ZFP69B: variants seen among roughly 807,000 people sequenced by gnomAD.
ZFP69B encodes the protein zinc finger protein 69 homolog B.
ZFP69B carries 20 observed loss-of-function variants against 19.7 expected under a neutral mutation model. The ratio of observed to expected loss-of-function variants is 1.02; its 90% CI spans 0.71 to 1.48. The LOEUF (loss-of-function observed/expected upper bound fraction) is 1.48, where lower values mean the gene tolerates loss of function less well. ZFP69B is among the 40% of genes most tolerant of loss of function. The pLI, the probability that ZFP69B is intolerant of heterozygous loss-of-function variation, is 0.00. For missense variants in ZFP69B, 583 were observed against 632.6 expected, an observed-to-expected ratio of 0.92 and a Z score of 0.84; for synonymous variants, 220 against 222.7, an observed-to-expected ratio of 0.99 and a Z score of 0.11.
chr1:40,462,301 T>C (rs539362074), intron 4 of ZFP69B, 120 bp from the exon 5 acceptor site: 4 of 903,178 alleles, frequency 4.4e-6, no homozygotes, highest in African/African-American at 1.7e-5. Flanking sequence ...AGAATCACAT[T>C]TGAGGATGAT....
At chr1:40,452,507 A>G (rs1412824384) in intron 1 of ZFP69B, among the ~76,000 whole-genome samples, 1 of 152,242 alleles carries the variant, frequency 6.6e-6, no homozygotes, top group Non-Finnish European at 1.5e-5. Context: ...CACATTGAGG[A>G]TACAGTCAGA....
In ZFP69B at chr1:40,462,965, A is replaced by G; in HGVS notation, c.981A>G (p.Arg327=). ...SQSSSLIPHQ[R]IHTGEKPYEC... ...GTTCATCTCTTATTCCGCATCAGAG[A>G]ATTCATACTGGTGAGAAACCCTATG... Residue 327 remains arginine, a synonymous_variant, in exon 5 of 5, where the codon AGA becomes AGG. Transcript: ENST00000361584. 6.2e-7 allele frequency: 1 copy of G among 1,614,148 alleles called. No individual in the cohort carries two copies. Among genetic ancestry groups the G allele is most frequent in the Non-Finnish European group, 8.5e-7 (1 of 1,180,042 alleles).
Position 40,462,562 on chromosome 1 carries a change from A to G in ZFP69B, c.578A>G (p.Asn193Ser), listed in dbSNP as rs1452882584. The G allele has an allele frequency of 1.2e-6, 2 of 1,614,044 alleles. No homozygotes were observed. The highest frequency in any genetic ancestry group is 2.7e-5 in the African/African-American group (2 of 74,938). Residue 193 changes from asparagine to serine, a missense_variant, in exon 5 of 5, where the codon AAT (asparagine) becomes AGT (serine). Coordinates refer to ENST00000361584, the MANE Select transcript of ZFP69B (RefSeq NM_023070.3). ...YSTLGRISKCNKLESQQENQR... is the reference protein window; with the variant it reads ...YSTLGRISKCSKLESQQENQR... ...ACCTTGGGAAGAATCTCCAAATGTA[A>G]TAAGCTAGAAAGCCAACAAGAGAAC...
intron 4 of ZFP69B, among the ~76,000 whole-genome samples, chr1:40,457,828 GTC>G (rs913155973): frequency 6.0e-4 from 92 of 152,156 alleles, no homozygotes; most frequent in African/African-American, 2.0e-3. Context: ...CGGTTTCACT[GTC>G]TCTCAATGAT....
rs774282142 is a variant in ZFP69B at position 40,462,578 on chromosome 1, A to G, written c.594A>G (p.Gln198=). The G allele has an allele frequency of 1.2e-6, 2 of 1,614,164 alleles. No homozygotes were observed. Among genetic ancestry groups the G allele is most frequent in the East Asian group, 4.5e-5 (2 of 44,866 alleles). Residue 198 remains glutamine (Q), a synonymous_variant, in exon 5 of 5, where the codon CAA becomes CAG. Coordinates refer to ENST00000361584, the MANE Select transcript of ZFP69B (RefSeq NM_023070.3). Reference sequence around the variant, plus strand: ...CCAAATGTAATAAGCTAGAAAGCCAACAAGAGAACCAAAGAATGGGTAAGG... The same window carrying G: ...CCAAATGTAATAAGCTAGAAAGCCAGCAAGAGAACCAAAGAATGGGTAAGG... ...RISKCNKLES[Q]QENQRMGKGQ...
chr1:40,456,556 C>T (rs1645234593), intron 2 of ZFP69B, among the ~76,000 whole-genome samples: 1 of 152,154 alleles, frequency 6.6e-6, no homozygotes, highest in Admixed American at 6.5e-5. Flanking sequence ...TTTACCCATG[C>T]TAAAGTATTC....
chr1:40,461,032 G>A (rs1238830073), intron 4 of ZFP69B, among the ~76,000 whole-genome samples: 2 of 146,614 alleles, frequency 1.4e-5, no homozygotes, highest in Non-Finnish European at 3.0e-5. Context: ...TGTAATCCTC[G>A]CTACTCAGGA....
intron 4 of ZFP69B, among the ~76,000 whole-genome samples, chr1:40,461,465 C>T (rs974155742): frequency 6.6e-6 from 1 of 151,808 alleles, no homozygotes; most frequent in Non-Finnish European, 1.5e-5. Flanking sequence ...AAAATTTTGT[C>T]AGAGAAATAT....
chr1:40,457,230 C>G, intron 3 of ZFP69B, 114 bp from the exon 4 acceptor site: 3 of 1,476,986 alleles, frequency 2.0e-6, no homozygotes, highest in Non-Finnish European at 1.9e-6. Context: ...CTGCTCTGTT[C>G]TTTCTACTCT....
intron 4 of ZFP69B, among the ~76,000 whole-genome samples, chr1:40,459,103 C>G (rs1234524117): frequency 6.6e-6 from 1 of 152,166 alleles, no homozygotes; most frequent in African/African-American, 2.4e-5. Context: ...GAAATATCAT[C>G]TATTCGTATG....
chr1:40,453,051 C>T (rs549316521), intron 1 of ZFP69B, among the ~76,000 whole-genome samples: 1 of 150,506 alleles, frequency 6.6e-6, no homozygotes, highest in East Asian at 1.9e-4. Flanking sequence ...ACCTCTGCCT[C>T]CCGGGTTCAA....
At position 40,456,968 on chromosome 1, in the gene ZFP69B, A is replaced by G; in HGVS notation, c.237A>G (p.Val79=). The G allele has an allele frequency of 6.2e-7, 1 of 1,614,160 alleles. No homozygotes were observed. Among genetic ancestry groups the G allele is most frequent in the Non-Finnish European group, 8.5e-7 (1 of 1,180,006 alleles). The change falls in exon 3 of 5, where the codon GTA becomes GTG. Residue 79 remains valine, a synonymous_variant. Transcript: ENST00000361584. ...AGGAACTGTTAACCTTCAAGGACGT[A>G]TCTGTGGACTTCACTCAGGAGGAGT... is the stretch of plus-strand genomic sequence containing the variant. ...ESQELLTFKD[V]SVDFTQEEWG...
intron 1 of ZFP69B, among the ~76,000 whole-genome samples, chr1:40,453,992 A>G (rs1270766790): frequency 6.6e-6 from 1 of 152,170 alleles, no homozygotes; most frequent in Non-Finnish European, 1.5e-5. Context: ...GGCCTGAGAG[A>G]TTACTAAGAC....
At chr1:40,451,136 G>C (rs1032431337) in intron 1 of ZFP69B, 48 bp downstream of exon 1, 1 of 1,455,686 alleles carries the variant, frequency 6.9e-7, no homozygotes, top group Non-Finnish European at 9.1e-7. Flanking sequence ...GTCCCCTCTA[G>C]TGTGAGAAGG....
chr1:40,459,109 G>A (rs765105422), intron 4 of ZFP69B, among the ~76,000 whole-genome samples: 6 of 152,072 alleles, frequency 3.9e-5, no homozygotes, highest in Admixed American at 2.6e-4. Flanking sequence ...TCATCTATTC[G>A]TATGTCCAAA....
Position 40,454,202 on chromosome 1 carries a change from G to C in ZFP69B, c.128-1G>C. On this transcript the variant is annotated splice_acceptor_variant, in intron 1 of 4. Coordinates refer to ENST00000361584, the MANE Select transcript of ZFP69B (RefSeq NM_023070.3). LOFTEE classifies it high-confidence loss of function. Reference sequence around the variant, plus strand: ...ACCTCATGGCTCTTTTCCTTCCCCAGCTCTGCTGTCTCAGGATGCTGATGA... The same window carrying C: ...ACCTCATGGCTCTTTTCCTTCCCCACCTCTGCTGTCTCAGGATGCTGATGA... 1 of 1,595,152 alleles carries C rather than the reference G, an allele frequency of 6.3e-7. No individual in the cohort carries two copies. The highest frequency in any genetic ancestry group is 8.5e-7 in the Non-Finnish European group (1 of 1,169,652).
Position 40,463,534 on chromosome 1 carries a change from C to A in ZFP69B, c.1550C>A (p.Ser517Tyr). The stretch of plus-strand genomic sequence containing the variant: ...GGAAAAGCCTTCAGCTGTAGTTCAT[C>A]CCTTATTAGACACTGCAAAACACAT... ...ECGKAFSCSS[S>Y]LIRHCKTHLR... Residue 517 changes from serine (S) to tyrosine (Y), a missense_variant, in exon 5 of 5, where the codon TCC becomes TAC. Ser to Tyr is a moderately radical substitution (Grantham distance 144). Transcript: ENST00000361584. 6.2e-7 allele frequency: 1 copy of A among 1,614,044 alleles called. No homozygotes were observed.
In ZFP69B at chr1:40,457,213, C is replaced by T. The variant is rs1311919727; in HGVS notation, c.341-131C>T. ...TGAACACCCAGTCAGGATTGCTATGCTCTTTTCTGCTCTGTTCTTTCTACT... is the reference window on the plus strand; with the variant it reads ...TGAACACCCAGTCAGGATTGCTATGTTCTTTTCTGCTCTGTTCTTTCTACT... On this transcript the variant is annotated intron_variant, in intron 3 of 4. Transcript: ENST00000361584. The T allele has an allele frequency of 5.4e-6, 8 of 1,469,124 alleles. No homozygotes were observed. In the Admixed American group the frequency reaches 1.3e-4, roughly 25 times the overall value. The allele number at this position is 1,469,124 out of a possible 1,614,324, so 91.0% of individuals were successfully genotyped here.
intron 2 of ZFP69B, 53 bp from the exon 3 acceptor site, chr1:40,456,892 G>A: frequency 3.2e-6 from 5 of 1,571,178 alleles, no homozygotes; most frequent in Admixed American, 1.9e-5. Context: ...CTAGACAAAA[G>A]TCAGAACAAC....
Sources: gnomAD v4.1 joint callset for allele counts (sites outside exome capture counted in the v4.1 genomes callset) on GRCh38, gnomAD v4.1.1 for gene constraint, MANE v1.5 for transcripts, NCBI Gene and HGNC (gene_info 2026-07-23, HGNC 2026-07-21) for gene names.